The following ASPH variants were observed in gnomAD, a reference collection of about 807,000 sequenced individuals.
ASPH encodes aspartyl/asparaginyl beta-hydroxylase.
ASPH carries 100 observed loss-of-function variants against 118.4 expected under a neutral mutation model. The observed-to-expected ratio is 0.84, with a 90% confidence interval of 0.72 to 1.00. ASPH has a LOEUF of 1.00. Ranked by LOEUF, ASPH falls within the 50% of genes least tolerant of loss-of-function variation. The probability of loss-of-function intolerance (pLI) is 0.00; values close to 1 mark genes in which losing one functional copy is unlikely to be tolerated. For missense variants in ASPH, 920 were observed against 919.5 expected (o/e 1.00, Z -0.01); for synonymous variants, 315 against 325.6 (o/e 0.97, Z 0.35).
Position 61,517,677 on chromosome 8 carries a change from G to T in ASPH, c.1993-16C>A. ...AATATTTGATCTGCATAGAAAACATGACACTCCATTCAGCCATTTATCAAG... is the reference window on the plus strand; with the variant it reads ...AATATTTGATCTGCATAGAAAACATTACACTCCATTCAGCCATTTATCAAG... On this transcript the variant is annotated splice_polypyrimidine_tract_variant and intron_variant, in intron 23 of 24. Coordinates refer to ENST00000379454, the MANE Select transcript of ASPH (RefSeq NM_004318.4). 4 of 1,608,962 alleles carry T rather than the reference G, an allele frequency of 2.5e-6. No individual in the cohort carries two copies. The highest frequency in any genetic ancestry group is 3.4e-6 in the Non-Finnish European group (4 of 1,175,772).
intron 14 of ASPH, among the ~76,000 whole-genome samples, chr8:61,599,843 T>A (rs2133378490): frequency 6.6e-6 from 1 of 152,252 alleles, no homozygotes; most frequent in East Asian, 1.9e-4. Context: ...TTTAAAGAAC[T>A]AACACCAATT....
At chr8:61,668,100 A>T in intron 3 of ASPH, 1 of 767,164 alleles carries the variant, frequency 1.3e-6, no homozygotes, top group Admixed American at 3.2e-5. Context: ...CTTATAACCT[A>T]AGTTGCACCC....
intron 1 of ASPH, among the ~76,000 whole-genome samples, chr8:61,684,938 T>C (rs1829831460): frequency 6.6e-6 from 1 of 151,796 alleles, no homozygotes; most frequent in Non-Finnish European, 1.5e-5. Flanking sequence ...AAATTTCCCA[T>C]AAAAAGGAAT....
rs1350805375 is a variant in ASPH, at chr8:61,668,381, TTAAG to T, written c.322+12583_322+12586del. On this transcript the variant is annotated intron_variant, in intron 3 of 24. Transcript: ENST00000379454. ...AAAATCAATGCCACTATAAAATATG[TTAAG>T]TTAGTTAAATTCATCATTAAAAAAT... 88 of 828,436 alleles carry T rather than the reference TTAAG, an allele frequency of 1.1e-4. No individual in the cohort carries two copies. The East Asian group carries it at 1.5e-3, about 14-fold the overall frequency. The allele number at this position is 828,436 out of a possible 1,614,324, so 51.3% of individuals were successfully genotyped here.
intron 15 of ASPH, chr8:61,579,132 AC>A: frequency 1.9e-6 from 3 of 1,611,566 alleles, no homozygotes; most frequent in Non-Finnish European, 2.5e-6. Flanking sequence ...GCGCACAAAG[AC>A]TGAGATCTCT....
chr8:61,555,946 G>T lies in ASPH; in HGVS notation c.1514C>A (p.Ala505Asp), dbSNP rs374278137. Reference sequence around the variant, plus strand: ...TACCTTTAAATATGGGATGCTCTCAGCAATTTTGTTCTGTGCCTTCAGGAT... The same window carrying T: ...TACCTTTAAATATGGGATGCTCTCATCAATTTTGTTCTGTGCCTTCAGGAT... ...GFILKAQNKI[A>D]ESIPYLKEGI... is the part of the protein sequence containing the mutation. Residue 505 changes from alanine to aspartate, a missense_variant, in exon 19 of 25, where the codon GCT (alanine) becomes GAT (aspartate). Physicochemically the swap from Ala to Asp is moderately radical, Grantham distance 126. Coordinates refer to ENST00000379454, the MANE Select transcript of ASPH (RefSeq NM_004318.4). The T allele has an allele frequency of 1.2e-5, 20 of 1,613,910 alleles. No homozygotes were observed. The highest frequency in any genetic ancestry group is 1.7e-5 in the Non-Finnish European group (20 of 1,179,972).
chr8:61,681,148 C>T, intron 2 of ASPH, 112 bp from the exon 3 acceptor site: 2 of 772,332 alleles, frequency 2.6e-6, no homozygotes, highest in Non-Finnish European at 3.9e-6. Flanking sequence ...CCAATTAATA[C>T]AATTCTTTGC....
chr8:61,592,359 T>C (rs1245949138), intron 14 of ASPH, among the ~76,000 whole-genome samples: 1 of 152,248 alleles, frequency 6.6e-6, no homozygotes, highest in African/African-American at 2.4e-5. Flanking sequence ...TCAGATTTTC[T>C]CTATGATCAG....
At chr8:61,691,667 C>T (rs1832687994) in intron 1 of ASPH, among the ~76,000 whole-genome samples, 2 of 152,182 alleles carry the variant, frequency 1.3e-5, no homozygotes, top group African/African-American at 4.8e-5. Context: ...CATACTTAGA[C>T]ACCTGGATTT....
At chr8:61,708,459 AC>A (rs1837246472) in intron 1 of ASPH, among the ~76,000 whole-genome samples, 1 of 152,232 alleles carries the variant, frequency 6.6e-6, no homozygotes, top group African/African-American at 2.4e-5. Context: ...TGAAACTAAG[AC>A]CAAAAGAGTC....
intron 20 of ASPH, 93 bp from the exon 21 acceptor site, chr8:61,548,301 C>A: frequency 7.3e-7 from 1 of 1,366,428 alleles, no homozygotes; most frequent in Non-Finnish European, 9.7e-7. Flanking sequence ...TAAGGTATTA[C>A]TTTGACACAT....
intron 5 of ASPH, among the ~76,000 whole-genome samples, chr8:61,649,445 T>A (rs1287472531): frequency 6.6e-6 from 1 of 152,106 alleles, no homozygotes; most frequent in Non-Finnish European, 1.5e-5. Flanking sequence ...AGATGCCAAG[T>A]ATGCAGTTAG....
At position 61,573,276 on chromosome 8, in the gene ASPH, GGCC is replaced by G. The variant is rs553249229; in HGVS notation, c.1149+3493_1149+3495del. 1.0e-3 allele frequency among the ~76,000 whole-genome samples: 154 copies of G among 152,286 alleles called. 1 individual carries two copies. Among genetic ancestry groups the G allele is most frequent in the Middle Eastern group, 3.4e-3 (1 of 294 alleles). On this transcript the variant is annotated intron_variant, in intron 16 of 24. Coordinates refer to ENST00000379454, the MANE Select transcript of ASPH (RefSeq NM_004318.4). ...TAGGAAGAATCAATATCGTGAAAATGGCCATAGTGCCCAAAGTAATTTATAGAT... is the reference window on the plus strand; with the variant it reads ...TAGGAAGAATCAATATCGTGAAAATGATAGTGCCCAAAGTAATTTATAGAT...
At chr8:61,579,741 T>G in intron 15 of ASPH, 3 of 883,242 alleles carry the variant, frequency 3.4e-6, no homozygotes, top group Non-Finnish European at 5.7e-6. Flanking sequence ...AGGCCACTAT[T>G]CAGGGTAGCA....
chr8:61,556,614 T>A (rs1404501477), intron 18 of ASPH, among the ~76,000 whole-genome samples: 1 of 152,220 alleles, frequency 6.6e-6, no homozygotes, highest in Admixed American at 6.5e-5. Flanking sequence ...TTCATATAAA[T>A]CACATCACTG....
chr8:61,683,998 T>A, intron 2 of ASPH, 41 bp downstream of exon 2: 1 of 1,592,732 alleles, frequency 6.3e-7, no homozygotes, highest in Non-Finnish European at 8.6e-7. Context: ...AGATGTCACT[T>A]ACTCTCTTAC....
At chr8:61,560,326 C>T (rs1005997403) in intron 18 of ASPH, among the ~76,000 whole-genome samples, 2 of 151,956 alleles carry the variant, frequency 1.3e-5, no homozygotes, top group Non-Finnish European at 2.9e-5. Context: ...TGATGTCACA[C>T]CATTTTAAAG....
chr8:61,594,643 T>G (rs28667576), intron 14 of ASPH, among the ~76,000 whole-genome samples: 4,559 of 152,316 alleles, frequency 0.03, 224 homozygotes, highest in African/African-American at 0.1. Context: ...GGAGACCACA[T>G]TCATATAACT....
chr8:61,640,128 T>A (rs1465805271), intron 10 of ASPH, among the ~76,000 whole-genome samples: 1 of 152,172 alleles, frequency 6.6e-6, no homozygotes, highest in Non-Finnish European at 1.5e-5. Flanking sequence ...TCAGCACTCA[T>A]CTCACATGGT....
Sources: gnomAD v4.1 joint callset for allele counts (sites outside exome capture counted in the v4.1 genomes callset) on GRCh38, gnomAD v4.1.1 for gene constraint, MANE v1.5 for transcripts, NCBI Gene and HGNC (gene_info 2026-07-23, HGNC 2026-07-21) for gene names.